The following TLL1 variants were observed in gnomAD, a reference collection of about 807,000 sequenced individuals.
TLL1 encodes the protein tolloid like 1, also known as tolloid-like protein 1.
Under a neutral mutation model 128.2 loss-of-function variants are expected in TLL1, and 49 were observed. The observed-to-expected ratio is 0.38, with a 90% confidence interval of 0.30 to 0.48. The LOEUF (loss-of-function observed/expected upper bound fraction) is 0.48, where lower values mean the gene tolerates loss of function less well. Ranked by LOEUF, TLL1 falls within the 20% of genes least tolerant of loss-of-function variation. The probability of loss-of-function intolerance (pLI) is 0.96; values close to 1 mark genes in which losing one functional copy is unlikely to be tolerated. For synonymous variants in TLL1, 454 were observed against 418.8 expected (o/e 1.08, Z -1.03); for missense variants, 1,123 against 1,242.0 (o/e 0.90, Z 1.44).
chr4:166,001,377 T>C (rs1737144646), intron 5 of TLL1, among the ~76,000 whole-genome samples: 1 of 152,168 alleles, frequency 6.6e-6, no homozygotes, highest in Admixed American at 6.5e-5. Context: ...GCATCCTGTG[T>C]GCTCAGTCTT....
chr4:166,051,861 A>G (rs1739756256), intron 12 of TLL1, among the ~76,000 whole-genome samples: 1 of 152,214 alleles, frequency 6.6e-6, no homozygotes, highest in Non-Finnish European at 1.5e-5. Context: ...AATACCAGGT[A>G]CATATTTAAT....
chr4:165,933,770 G>C (rs1733640674), intron 1 of TLL1, among the ~76,000 whole-genome samples: 1 of 152,084 alleles, frequency 6.6e-6, no homozygotes, highest in East Asian at 1.9e-4. Flanking sequence ...TTCCCTCCCA[G>C]ATTTTCAAGC....
intron 1 of TLL1, among the ~76,000 whole-genome samples, chr4:165,972,342 T>A (rs1380647679): frequency 7.2e-5 from 11 of 152,248 alleles, no homozygotes; most frequent in Admixed American, 7.2e-4. Flanking sequence ...ATATGACTGT[T>A]GGCACCTTTG....
intron 7 of TLL1, among the ~76,000 whole-genome samples, chr4:166,012,800 T>C (rs1373654741): frequency 3.3e-5 from 5 of 151,698 alleles, no homozygotes; most frequent in African/African-American, 1.2e-4. Flanking sequence ...TTTCAGACAA[T>C]GTACATATGG....
chr4:166,057,489 A>C (rs1740078699), intron 14 of TLL1, among the ~76,000 whole-genome samples, 180 bp downstream of exon 14: 1 of 152,158 alleles, frequency 6.6e-6, no homozygotes, highest in Admixed American at 6.6e-5. Context: ...CTTGTTATAG[A>C]ATGGGTCCTT....
At chr4:165,901,879 G>A (rs1331548488) in intron 1 of TLL1, among the ~76,000 whole-genome samples, 1 of 152,210 alleles carries the variant, frequency 6.6e-6, no homozygotes, top group Non-Finnish European at 1.5e-5. Flanking sequence ...GTCCCAGGGA[G>A]ATGGGAGTTT....
intron 20 of TLL1, 89 bp from the exon 21 acceptor site, chr4:166,100,653 A>G: frequency 6.5e-7 from 1 of 1,533,728 alleles, no homozygotes; most frequent in Non-Finnish European, 9.0e-7. Context: ...TATTCCAAAG[A>G]CAAGTATTCC....
chr4:166,075,007 T>TA lies in TLL1; in HGVS notation c.2314+4_2314+5insA. The TA allele has an allele frequency of 6.2e-7, 1 of 1,613,210 alleles. No individual in the cohort carries two copies. Among genetic ancestry groups the TA allele is most frequent in the Non-Finnish European group, 8.5e-7 (1 of 1,179,370 alleles). On this transcript the variant is annotated splice_donor_region_variant and intron_variant, in intron 17 of 20. Coordinates refer to ENST00000061240, the MANE Select transcript of TLL1 (RefSeq NM_012464.5). ...AATAAACATGATTGCAAGGAAGGTA[T>TA]GGAACGGAATACACTTTTTTTGACA...
At chr4:166,087,277 A>G (rs931328030) in intron 18 of TLL1, among the ~76,000 whole-genome samples, 1 of 152,146 alleles carries the variant, frequency 6.6e-6, no homozygotes, top group Non-Finnish European at 1.5e-5. Context: ...TTATAGCTTT[A>G]TATATGGGAT....
chr4:165,993,859 G>A (rs914537139), intron 3 of TLL1, among the ~76,000 whole-genome samples: 8 of 152,020 alleles, frequency 5.3e-5, no homozygotes, highest in African/African-American at 1.7e-4. Context: ...CTTGTTGTAC[G>A]GGAGGCTGAG....
chr4:166,028,177 C>T (rs377737860), intron 9 of TLL1, among the ~76,000 whole-genome samples: 176 of 152,122 alleles, frequency 1.2e-3, no homozygotes, highest in African/African-American at 2.9e-3. Context: ...AAAGCAGACA[C>T]TGAAGGCTGT....
At chr4:165,956,653 C>T (rs530763324) in intron 1 of TLL1, among the ~76,000 whole-genome samples, 34 of 149,382 alleles carry the variant, frequency 2.3e-4, no homozygotes, top group African/African-American at 8.5e-4. Context: ...TGTTCAAACA[C>T]ACGTTTTACA....
chr4:166,060,092 G>T lies in TLL1; in HGVS notation c.1911G>T (p.Glu637Asp). The change falls in exon 15 of 21, where the codon GAG (glutamate) becomes GAT (aspartate). Residue 637 changes from glutamate (E) to aspartate (D), a missense_variant. By Grantham distance (45) the Glu-to-Asp change is conservative. Transcript: ENST00000061240. ...GTITTPGWPKEYPPNKNCVWQ... is the reference protein window; with the variant it reads ...GTITTPGWPKDYPPNKNCVWQ... ...TAACCACCCCTGGCTGGCCCAAGGAGTACCCTCCTAATAAGAACTGTGTGT... is the reference window on the plus strand; with the variant it reads ...TAACCACCCCTGGCTGGCCCAAGGATTACCCTCCTAATAAGAACTGTGTGT... The T allele has an allele frequency of 6.2e-7, 1 of 1,613,792 alleles. No individual in the cohort carries two copies. The highest frequency in any genetic ancestry group is 8.5e-7 in the Non-Finnish European group (1 of 1,179,890).
At chr4:165,987,071 T>C (rs1736423451) in intron 1 of TLL1, among the ~76,000 whole-genome samples, 1 of 152,090 alleles carries the variant, frequency 6.6e-6, no homozygotes, top group African/African-American at 2.4e-5. Flanking sequence ...ACTTACCAAA[T>C]CAGAGTCTGC....
At chr4:165,896,479 C>CTT (rs70955648) in intron 1 of TLL1, among the ~76,000 whole-genome samples, 38 of 102,148 alleles carry the variant, frequency 3.7e-4, no homozygotes, top group Non-Finnish European at 4.9e-4. Context: ...AATGGTATTT[C>CTT]TTTTTTTTTT....
At chr4:166,039,525 G>A (rs1019927179) in intron 10 of TLL1, 84 bp downstream of exon 10, 20 of 968,120 alleles carry the variant, frequency 2.1e-5, no homozygotes, top group Admixed American at 7.5e-5. Context: ...AAGAGTCATC[G>A]TAGAGTTAAA....
chr4:165,998,799 A>T (rs78116814), intron 5 of TLL1, among the ~76,000 whole-genome samples: 1 of 147,636 alleles, frequency 6.8e-6, no homozygotes, highest in East Asian at 2.0e-4. Flanking sequence ...TCTGTCTTCA[A>T]AAAAAAAAAA....
chr4:165,942,580 G>A (rs892364131), intron 1 of TLL1, among the ~76,000 whole-genome samples: 1 of 149,740 alleles, frequency 6.7e-6, no homozygotes, highest in African/African-American at 2.5e-5. Flanking sequence ...AGCAGAATGT[G>A]TGTGTGTTTG....
rs115401178 is a variant in TLL1 at position 166,099,524 on chromosome 4, C to T, written c.2904C>T (p.Ser968=). ...TGGGGCTTGGTCGATTCTGTGGATCCGGGGTAAATATACCACCAACAGAAT... is the reference window on the plus strand; with the variant it reads ...TGGGGCTTGGTCGATTCTGTGGATCTGGGGTAAATATACCACCAACAGAAT... ...TAVGLGRFCG[S]GPPEEIYSIG... The change falls in exon 20 of 21, where the codon TCC becomes TCT. Residue 968 remains serine, a synonymous_variant. Transcript: ENST00000061240. 243 of 1,611,928 alleles carry T rather than the reference C, an allele frequency of 1.5e-4. No homozygotes were observed. In the East Asian group the frequency reaches 3.6e-3, roughly 24 times the overall value.
Sources: gnomAD v4.1 joint callset for allele counts (sites outside exome capture counted in the v4.1 genomes callset) on GRCh38, gnomAD v4.1.1 for gene constraint, MANE v1.5 for transcripts, NCBI Gene and HGNC (gene_info 2026-07-23, HGNC 2026-07-21) for gene names.